Variants in CFAP77 observed in about 807,000 individuals in gnomAD.
CFAP77 encodes cilia and flagella associated protein 77, also known as cilia- and flagella-associated protein 77.
CFAP77 carries 25 observed loss-of-function variants against 31.1 expected under a neutral mutation model. The ratio of observed to expected loss-of-function variants is 0.80; its 90% CI spans 0.59 to 1.12. The LOEUF (loss-of-function observed/expected upper bound fraction) is 1.12, where lower values mean the gene tolerates loss of function less well. CFAP77 is among the 50% of genes most tolerant of loss of function. The pLI is 0.00. For synonymous variants in CFAP77, 151 were observed against 159.9 expected (o/e 0.94, Z 0.42); for missense variants, 377 against 397.3 (o/e 0.95, Z 0.44).
intron 1 of CFAP77, among the ~76,000 whole-genome samples, chr9:132,419,479 G>A (rs1326294851): frequency 1.3e-5 from 2 of 152,212 alleles, no homozygotes; most frequent in Admixed American, 1.3e-4. Flanking sequence ...AAAAGGCAAC[G>A]AGAGAGGTGA....
At chr9:132,546,177 A>G (rs1589918970) in intron 5 of CFAP77, among the ~76,000 whole-genome samples, 2 of 152,124 alleles carry the variant, frequency 1.3e-5, no homozygotes, top group African/African-American at 4.8e-5. Flanking sequence ...TCTGTTACAG[A>G]CCTGCTGAGC....
At position 132,481,977 on chromosome 9, in the gene CFAP77, C is replaced by A. The variant is rs900286292; in HGVS notation, c.196-16718C>A. ...TTATGGTTGGGGGGGGGGGGGGCGG[C>A]GGAACACTGAACATTTTTCTTCCCT... is the stretch of plus-strand genomic sequence containing the variant. On this transcript the variant is annotated intron_variant, in intron 1 of 5. Transcript: ENST00000393216. The surrounding 1 kb of genome is among the most constrained non-coding windows in gnomAD (Gnocchi z 5.0). Among the ~76,000 whole-genome samples, 11 of 131,700 alleles carry A rather than the reference C, an allele frequency of 8.4e-5. No individual in the cohort carries two copies. The highest frequency in any genetic ancestry group is 2.9e-4 in the African/African-American group (11 of 37,560). The allele number at this position is 131,700 out of a possible 152,430, so 86.4% of individuals were successfully genotyped here. A position where few individuals can be genotyped will look rare whatever the true frequency, so the allele number is the denominator to read the frequency against.
chr9:132,517,860 G>C lies in CFAP77; in HGVS notation c.524+18260G>C, dbSNP rs986831874. On this transcript the variant is annotated intron_variant, in intron 3 of 5. Transcript: ENST00000393216. The surrounding 1 kb of genome is among the most constrained non-coding windows in gnomAD (Gnocchi z 4.7). Reference sequence around the variant, plus strand: ...ATCGGAGATCAACCCCTGGTCTGGGGTATCAATCGCGGAGCAGTCAGGATG... The same window carrying C: ...ATCGGAGATCAACCCCTGGTCTGGGCTATCAATCGCGGAGCAGTCAGGATG... Among the ~76,000 whole-genome samples the C allele has an allele frequency of 6.6e-6, 1 of 152,224 alleles. No individual in the cohort carries two copies. The highest frequency in any genetic ancestry group is 2.4e-5 in the African/African-American group (1 of 41,458).
intron 1 of CFAP77, among the ~76,000 whole-genome samples, chr9:132,420,133 C>G (rs186321758): frequency 6.8e-6 from 1 of 146,288 alleles, no homozygotes; most frequent in African/African-American, 2.5e-5. Flanking sequence ...TGCACTCTAG[C>G]CTGGGTGACA....
At chr9:132,477,997 G>A (rs1041764406) in intron 1 of CFAP77, among the ~76,000 whole-genome samples, 2 of 152,172 alleles carry the variant, frequency 1.3e-5, no homozygotes, top group Non-Finnish European at 2.9e-5. Flanking sequence ...AACTAAGACA[G>A]GAGATTAAGG....
intron 1 of CFAP77, among the ~76,000 whole-genome samples, chr9:132,471,692 G>GTT (rs1851262143): frequency 6.7e-6 from 1 of 149,348 alleles, no homozygotes; most frequent in South Asian, 2.2e-4. Flanking sequence ...GGTTGTTTTT[G>GTT]TTTTGTTTTG....
At chr9:132,475,790 C>G (rs1162411015) in intron 1 of CFAP77, among the ~76,000 whole-genome samples, 2 of 152,200 alleles carry the variant, frequency 1.3e-5, no homozygotes, top group Admixed American at 1.3e-4. Context: ...GTACCCCCAC[C>G]CTCTGCTTTC....
chr9:132,482,447 A>T, intron 1 of CFAP77: 1 of 1,576,176 alleles, frequency 6.3e-7, no homozygotes, highest in Non-Finnish European at 8.7e-7. Flanking sequence ...AAATAATGTC[A>T]CCCTGGAGAA....
rs996513616 is a variant in CFAP77 at position 132,432,669 on chromosome 9, C to A, written c.195+22203C>A. On this transcript the variant is annotated intron_variant, in intron 1 of 5. Transcript: ENST00000393216. ...GCCTCAGCCACCTGAGTAGCTGGGA[C>A]TATAGGCATGCGCCACCACACCCAG... 7.2e-5 allele frequency among the ~76,000 whole-genome samples: 11 copies of A among 151,744 alleles called. 1 individual carries two copies. Among genetic ancestry groups the A allele is most frequent in the African/African-American group, 2.7e-4 (11 of 41,298 alleles).
intron 5 of CFAP77, among the ~76,000 whole-genome samples, chr9:132,559,712 C>T (rs747805145): frequency 3.9e-5 from 6 of 152,142 alleles, no homozygotes; most frequent in Non-Finnish European, 5.9e-5. Context: ...CATACATCCA[C>T]ACAAAAACTG....
intron 1 of CFAP77, among the ~76,000 whole-genome samples, chr9:132,449,644 C>T (rs898336238): frequency 1.3e-5 from 2 of 152,142 alleles, no homozygotes; most frequent in Non-Finnish European, 2.9e-5. Flanking sequence ...CTGTGATTTC[C>T]AGACAGACAC....
At chr9:132,472,815 G>C (rs933550044) in intron 1 of CFAP77, among the ~76,000 whole-genome samples, 2 of 152,242 alleles carry the variant, frequency 1.3e-5, no homozygotes, top group East Asian at 3.9e-4. Context: ...TTAACTCAGT[G>C]TTTGCTGTGT....
Position 132,486,090 on chromosome 9 carries a change from ATT to A in CFAP77, c.196-12586_196-12585del, listed in dbSNP as rs1178281920. Among the ~76,000 whole-genome samples the A allele has an allele frequency of 9.5e-3, 146 of 15,348 alleles. 5 individuals are homozygous for A. The highest frequency in any genetic ancestry group is 0.022 in the South Asian group (8 of 368). The allele number at this position is 15,348 out of a possible 152,430, so 10.1% of individuals were successfully genotyped here. On this transcript the variant is annotated intron_variant, in intron 1 of 5. Coordinates refer to ENST00000393216, the MANE Select transcript of CFAP77 (RefSeq NM_001282957.2). ...TGTATATATATATATATATATATAT[ATT>A]TTTTTTTTTTTTTTTTTTGAGACGG...
At chr9:132,423,244 G>A (rs764060297) in intron 1 of CFAP77, among the ~76,000 whole-genome samples, 18 of 152,210 alleles carry the variant, frequency 1.2e-4, no homozygotes, top group African/African-American at 2.9e-4. Context: ...TTAGGCAGCC[G>A]CTTGCTTCTT....
chr9:132,518,241 C>T (rs1852184054), intron 3 of CFAP77, among the ~76,000 whole-genome samples: 1 of 152,076 alleles, frequency 6.6e-6, no homozygotes, highest in African/African-American at 2.4e-5. Flanking sequence ...CAGGACAAAT[C>T]GGACTCCTTT....
At chr9:132,531,597 G>A (rs1436800651) in intron 3 of CFAP77, among the ~76,000 whole-genome samples, 3 of 143,046 alleles carry the variant, frequency 2.1e-5, no homozygotes, top group Non-Finnish European at 4.5e-5. Context: ...TGCGGCCCGG[G>A]CAATGAGTCT....
chr9:132,459,367 G>A (rs1039360458), intron 1 of CFAP77, among the ~76,000 whole-genome samples: 22 of 152,098 alleles, frequency 1.4e-4, no homozygotes, highest in African/African-American at 4.6e-4. Flanking sequence ...CACCGCGCCC[G>A]GCCACCCTGG....
At position 132,497,898 on chromosome 9, in the gene CFAP77, C is replaced by T. The variant is rs916152087; in HGVS notation, c.196-797C>T. 5.9e-5 allele frequency among the ~76,000 whole-genome samples: 9 copies of T among 152,074 alleles called. No individual in the cohort carries two copies. Among genetic ancestry groups the T allele is most frequent in the Non-Finnish European group, 1.0e-4 (7 of 67,998 alleles). ...AGGAGCTGCTGTGATAAAGGGAGAC[C>T]GCGTGGCAGGATGATCAAGAGCGCC... On this transcript the variant is annotated intron_variant, in intron 1 of 5. Coordinates refer to ENST00000393216, the MANE Select transcript of CFAP77 (RefSeq NM_001282957.2). This position sits in a 1 kb window ranked among gnomAD's most constrained non-coding sequence, Gnocchi z 4.9.
intron 1 of CFAP77, among the ~76,000 whole-genome samples, chr9:132,458,546 A>G (rs897991946): frequency 4.6e-5 from 7 of 152,232 alleles, no homozygotes; most frequent in African/African-American, 1.4e-4. Context: ...AGGTCCGCAC[A>G]GGACAGAGTG....
Sources: gnomAD v4.1 joint callset for allele counts (sites outside exome capture counted in the v4.1 genomes callset) on GRCh38, gnomAD v4.1.1 for gene constraint, Gnocchi (gnomAD v3.1) non-coding constraint, MANE v1.5 for transcripts, NCBI Gene and HGNC (gene_info 2026-07-23, HGNC 2026-07-21) for gene names.